Variants in AUH observed in about 807,000 individuals in gnomAD.
The protein encoded by AUH is methylglutaconyl-CoA hydratase, mitochondrial.
In AUH, 29 loss-of-function variants were observed where a neutral mutation model predicts 42.3. The ratio of observed to expected loss-of-function variants is 0.69; its 90% CI spans 0.51 to 0.93. AUH has a LOEUF of 0.93. Among genes scored for constraint, AUH ranks in the 40% least tolerant of loss-of-function variants. The pLI is 0.00. For synonymous variants in AUH, 174 were observed against 166.4 expected (o/e 1.05, Z -0.35); for missense variants, 452 against 438.1 (o/e 1.03, Z -0.28).
At chr9:91,349,352 G>T (rs141856417) in intron 3 of AUH, among the ~76,000 whole-genome samples, 132 of 152,276 alleles carry the variant, frequency 8.7e-4, no homozygotes, top group African/African-American at 2.9e-3. Context: ...ACCAAGAATT[G>T]TTTATCATAT....
Position 91,300,165 on chromosome 9 carries a change from C to T in AUH, c.506-2089G>A, listed in dbSNP as rs574513177. Among the ~76,000 whole-genome samples, 19 of 152,212 alleles carry T rather than the reference C, an allele frequency of 1.2e-4. No individual in the cohort carries two copies. In the Middle Eastern group the frequency reaches 0.014, roughly 109 times the overall value. On this transcript the variant is annotated intron_variant, in intron 4 of 9. Transcript: ENST00000375731. ...CTGCTGGGTCCCTCATTTTTCCTGC[C>T]TTTCCATCTACCTCTGGTAATTTCT... is the stretch of plus-strand genomic sequence containing the variant.
At chr9:91,291,642 G>A (rs1463767757) in intron 6 of AUH, among the ~76,000 whole-genome samples, 1 of 152,108 alleles carries the variant, frequency 6.6e-6, no homozygotes, top group Non-Finnish European at 1.5e-5. Flanking sequence ...AAAACATGGG[G>A]AGTCTTACAC....
At chr9:91,339,715 C>T (rs1050300018) in intron 3 of AUH, among the ~76,000 whole-genome samples, 8 of 152,164 alleles carry the variant, frequency 5.3e-5, no homozygotes, top group Admixed American at 3.9e-4. Context: ...TAAGAACTTG[C>T]ACCTGTGGCT....
At chr9:91,259,161 G>C (rs568351582) in intron 6 of AUH, among the ~76,000 whole-genome samples, 8 of 152,140 alleles carry the variant, frequency 5.3e-5, no homozygotes, top group African/African-American at 1.9e-4. Flanking sequence ...CTTTCTTTGT[G>C]GAAAAATTCT....
At chr9:91,263,025 T>C (rs999650306) in intron 6 of AUH, among the ~76,000 whole-genome samples, 1 of 152,190 alleles carries the variant, frequency 6.6e-6, no homozygotes, top group Non-Finnish European at 1.5e-5. Flanking sequence ...TGCTGTGTTT[T>C]AAGATGGTAC....
At chr9:91,247,266 C>T (rs1386259227) in intron 6 of AUH, among the ~76,000 whole-genome samples, 1 of 152,162 alleles carries the variant, frequency 6.6e-6, no homozygotes, top group East Asian at 1.9e-4. Context: ...GATAGTGCTA[C>T]TCTGCAAGAG....
At chr9:91,243,080 CATA>C (rs1828607694) in intron 6 of AUH, among the ~76,000 whole-genome samples, 1 of 152,194 alleles carries the variant, frequency 6.6e-6, no homozygotes, top group Non-Finnish European at 1.5e-5. Context: ...AGGTCACTAT[CATA>C]ATTATCTTCA....
intron 1 of AUH, 31 bp from the exon 2 acceptor site, chr9:91,356,186 T>C (rs775152775): frequency 6.3e-7 from 1 of 1,584,252 alleles, no homozygotes; most frequent in African/African-American, 1.3e-5. Flanking sequence ...GTACAAGCAC[T>C]TGAGTGAGCA....
chr9:91,282,451 G>C (rs1243924121), intron 6 of AUH, among the ~76,000 whole-genome samples: 2 of 152,136 alleles, frequency 1.3e-5, no homozygotes, highest in East Asian at 3.9e-4. Flanking sequence ...TCCTCTGCTT[G>C]TTCACGGCTG....
chr9:91,237,396 CACAG>C (rs1020838813), intron 6 of AUH, among the ~76,000 whole-genome samples: 43 of 152,262 alleles, frequency 2.8e-4, no homozygotes, highest in African/African-American at 9.9e-4. Flanking sequence ...TGTCTGAAGC[CACAG>C]ACAAAGTAAG....
intron 6 of AUH, among the ~76,000 whole-genome samples, chr9:91,222,265 A>G (rs1827175984): frequency 6.6e-6 from 1 of 152,272 alleles, no homozygotes; most frequent in Non-Finnish European, 1.5e-5. Context: ...ACAAGAAGGC[A>G]CATGTTTAAC....
intron 6 of AUH, among the ~76,000 whole-genome samples, chr9:91,230,638 T>C (rs1827815939): frequency 6.6e-6 from 1 of 152,342 alleles, no homozygotes; most frequent in African/African-American, 2.4e-5. Context: ...CTCTGATTTT[T>C]AGAGTTTCCA....
At chr9:91,277,005 C>A in intron 6 of AUH, among the ~76,000 whole-genome samples, 1 of 151,958 alleles carries the variant, frequency 6.6e-6, no homozygotes, top group Non-Finnish European at 1.5e-5. Context: ...GGCAATATAG[C>A]AAGACACTCA....
chr9:91,338,469 G>C (rs1285620713), intron 3 of AUH, among the ~76,000 whole-genome samples: 1 of 152,104 alleles, frequency 6.6e-6, no homozygotes. Context: ...CGCTGTTGTT[G>C]GCCTAGGCTG....
At chr9:91,344,230 G>GC (rs1831315065) in intron 3 of AUH, among the ~76,000 whole-genome samples, 1 of 152,172 alleles carries the variant, frequency 6.6e-6, no homozygotes, top group South Asian at 2.1e-4. Context: ...CTAAGACACT[G>GC]CCTTTCACTG....
chr9:91,350,639 A>G (rs1047146671), intron 3 of AUH, among the ~76,000 whole-genome samples: 1 of 152,040 alleles, frequency 6.6e-6, no homozygotes, highest in South Asian at 2.1e-4. Context: ...GGTGCCTGTA[A>G]TCCCAGCTAC....
intron 4 of AUH, chr9:91,306,277 G>C: frequency 2.5e-6 from 2 of 801,440 alleles, no homozygotes; most frequent in Non-Finnish European, 3.0e-6. Flanking sequence ...ATGACAGGCT[G>C]GCAGGGAAGT....
At chr9:91,325,963 ATAGATT>A (rs1446887588) in intron 3 of AUH, among the ~76,000 whole-genome samples, 1 of 152,202 alleles carries the variant, frequency 6.6e-6, no homozygotes, top group African/African-American at 2.4e-5. Flanking sequence ...AGGGAGAAGC[ATAGATT>A]TAAAGTATGA....
intron 4 of AUH, among the ~76,000 whole-genome samples, chr9:91,304,573 C>T (rs756480496): frequency 8.5e-5 from 13 of 152,088 alleles, no homozygotes; most frequent in Non-Finnish European, 2.9e-5. Flanking sequence ...GTACCTAAAG[C>T]TTATAGGAAA....
Sources: allele counts gnomAD v4.1 joint callset (sites outside exome capture counted in the v4.1 genomes callset), GRCh38; gene constraint gnomAD v4.1.1; transcripts MANE v1.5; gene names NCBI Gene and HGNC (gene_info 2026-07-23, HGNC 2026-07-21).